The following SLC16A2 variants were observed in gnomAD, a reference collection of about 807,000 sequenced individuals.
The protein encoded by SLC16A2 is monocarboxylate transporter 8.
A neutral mutation model predicts 27.2 loss-of-function variants in SLC16A2; 3 were observed. That is an observed-to-expected ratio of 0.11 (90% CI 0.05 to 0.28). SLC16A2 has a LOEUF of 0.28. Among genes scored for constraint, SLC16A2 ranks in the 10% least tolerant of loss-of-function variants. The probability of loss-of-function intolerance (pLI) is 1.00; values close to 1 mark genes in which losing one functional copy is unlikely to be tolerated. For synonymous variants in SLC16A2, 202 were observed against 187.8 expected (o/e 1.08, Z -0.62); for missense variants, 295 against 458.5 (o/e 0.64, Z 3.26).
At chrX:74,439,194 C>CTTTCTT (rs1928685289) in intron 1 of SLC16A2, among the ~76,000 whole-genome samples, 1 of 101,253 alleles carries the variant, frequency 9.9e-6, no homozygotes, top group African/African-American at 3.8e-5. Context: ...CTTTTTCTTT[C>CTTTCTT]TTTCTTTCTT....
At chrX:74,428,733 G>T (rs1928470363) in intron 1 of SLC16A2, among the ~76,000 whole-genome samples, 1 of 111,714 alleles carries the variant, frequency 9.0e-6, no homozygotes, top group Non-Finnish European at 1.9e-5. Context: ...TTCGCATAAA[G>T]ATAGCTGCTA....
chrX:74,501,453 G>GTTTTCATC (rs1006802324), intron 1 of SLC16A2, among the ~76,000 whole-genome samples: 14 of 111,560 alleles, frequency 1.3e-4, no homozygotes, highest in Non-Finnish European at 5.7e-5. Context: ...GCCTGTTGAT[G>GTTTTCATC]AAAAGACTTT....
chrX:74,440,103 C>A (rs1928714509), intron 1 of SLC16A2, among the ~76,000 whole-genome samples: 1 of 111,628 alleles, frequency 9.0e-6, no homozygotes, highest in Admixed American at 9.5e-5. Context: ...AAGAGAGAGG[C>A]CTGGGCTTTA....
At chrX:74,454,471 G>A (rs372634057) in intron 1 of SLC16A2, among the ~76,000 whole-genome samples, 1 of 108,386 alleles carries the variant, frequency 9.2e-6, no homozygotes, top group Non-Finnish European at 1.9e-5. Flanking sequence ...GCAAACTATC[G>A]CAAGGACAAA....
intron 1 of SLC16A2, among the ~76,000 whole-genome samples, chrX:74,502,973 C>T (rs903331228): frequency 9.1e-6 from 1 of 109,806 alleles, no homozygotes; most frequent in African/African-American, 3.3e-5. Flanking sequence ...TCCATAGCTA[C>T]TACAACCCCT....
intron 1 of SLC16A2, among the ~76,000 whole-genome samples, chrX:74,484,107 GAA>G (rs1929673980): frequency 9.0e-6 from 1 of 111,685 alleles, no homozygotes; most frequent in Non-Finnish European, 1.9e-5. Context: ...ATGTGTTGAT[GAA>G]AAGAGTCAAA....
intron 1 of SLC16A2, among the ~76,000 whole-genome samples, chrX:74,437,207 C>A (rs1030176290): frequency 1.0e-5 from 1 of 95,572 alleles, no homozygotes; most frequent in Non-Finnish European, 2.1e-5. Context: ...GGTTTATCTT[C>A]TGGGGCCAGG....
At chrX:74,428,809 A>G (rs776742406) in intron 1 of SLC16A2, among the ~76,000 whole-genome samples, 6 of 112,041 alleles carry the variant, frequency 5.4e-5, no homozygotes, top group South Asian at 3.8e-4. Flanking sequence ...AGAAGGTAGT[A>G]TTGTAGAAAG....
At chrX:74,452,511 A>G (rs1453078227) in intron 1 of SLC16A2, among the ~76,000 whole-genome samples, 1 of 111,776 alleles carries the variant, frequency 8.9e-6, no homozygotes, top group Non-Finnish European at 1.9e-5. Flanking sequence ...AATATGCACT[A>G]GAAAATTTCA....
intron 1 of SLC16A2, among the ~76,000 whole-genome samples, chrX:74,506,565 T>C (rs925607914): frequency 9.1e-6 from 1 of 110,422 alleles, no homozygotes; most frequent in Non-Finnish European, 1.9e-5. Context: ...GGCTGAGAGG[T>C]AAGTTGGGAT....
chrX:74,446,538 T>C (rs1267743196), intron 1 of SLC16A2, among the ~76,000 whole-genome samples: 1 of 111,611 alleles, frequency 9.0e-6, no homozygotes, highest in African/African-American at 3.3e-5. Context: ...GAAAGATCTC[T>C]TGAGCTGGGA....
chrX:74,502,221 T>A (rs929280982), intron 1 of SLC16A2, among the ~76,000 whole-genome samples: 1 of 111,818 alleles, frequency 8.9e-6, no homozygotes, highest in Non-Finnish European at 1.9e-5. Context: ...TGTGTTGTTA[T>A]TCCAAACTCT....
chrX:74,423,687 C>T (rs1408720791), intron 1 of SLC16A2, among the ~76,000 whole-genome samples: 1 of 112,161 alleles, frequency 8.9e-6, no homozygotes, highest in Non-Finnish European at 1.9e-5. Flanking sequence ...ACAGTCACCC[C>T]TGGGACCACC....
At chrX:74,495,713 A>G (rs1409099803) in intron 1 of SLC16A2, among the ~76,000 whole-genome samples, 2 of 110,445 alleles carry the variant, frequency 1.8e-5, no homozygotes, top group African/African-American at 6.6e-5. Flanking sequence ...AGACCCATAC[A>G]TTCCTTGGTA....
intron 1 of SLC16A2, among the ~76,000 whole-genome samples, chrX:74,466,711 CTGCAAACCCA>C (rs960641384): frequency 8.9e-6 from 1 of 111,752 alleles, no homozygotes; most frequent in African/African-American, 3.3e-5. Flanking sequence ...GTAGGGTCTG[CTGCAAACCCA>C]TGCTTCTTCC....
chrX:74,455,133 T>A (rs1057070555), intron 1 of SLC16A2, among the ~76,000 whole-genome samples: 17 of 111,965 alleles, frequency 1.5e-4, no homozygotes, highest in African/African-American at 4.9e-4. Flanking sequence ...AAAATCAGGA[T>A]AACATAGTAT....
At chrX:74,440,060 C>T (rs1235578615) in intron 1 of SLC16A2, among the ~76,000 whole-genome samples, 1 of 111,447 alleles carries the variant, frequency 9.0e-6, no homozygotes, top group Non-Finnish European at 1.9e-5. Context: ...AAGAGTTAAG[C>T]ATGGTTAGAG....
At chrX:74,486,427 A>G (rs1038064468) in intron 1 of SLC16A2, among the ~76,000 whole-genome samples, 1 of 112,392 alleles carries the variant, frequency 8.9e-6, no homozygotes, top group Admixed American at 9.4e-5. Flanking sequence ...CTTGATTTGG[A>G]CAATCTGACC....
intron 1 of SLC16A2, among the ~76,000 whole-genome samples, chrX:74,439,206 C>CT (rs1928686598): frequency 9.9e-6 from 1 of 101,248 alleles, no homozygotes. Flanking sequence ...TTCTTTCTTT[C>CT]TTCCTTCCTT....
Sources: gnomAD v4.1 joint callset for allele counts (sites outside exome capture counted in the v4.1 genomes callset) on GRCh38, gnomAD v4.1.1 for gene constraint, MANE v1.5 for transcripts, NCBI Gene and HGNC (gene_info 2026-07-23, HGNC 2026-07-21) for gene names.